FAM227B: variants seen among roughly 807,000 people sequenced by gnomAD.
FAM227B encodes protein FAM227B.
FAM227B carries 88 observed loss-of-function variants against 73.8 expected under a neutral mutation model. That is an observed-to-expected ratio of 1.19 (90% confidence interval 1.00 to 1.42). The LOEUF (loss-of-function observed/expected upper bound fraction) is 1.42, where lower values mean the gene tolerates loss of function less well. Ranked by LOEUF, FAM227B falls within the 40% of genes most tolerant of loss-of-function variation. FAM227B has a pLI of 0.00. For missense variants in FAM227B, 632 were observed against 590.9 expected (o/e 1.07, Z -0.72); for synonymous variants, 210 against 190.5 (o/e 1.10, Z -0.84).
intron 11 of FAM227B, among the ~76,000 whole-genome samples, chr15:49,381,028 C>T (rs769728472): frequency 1.4e-4 from 21 of 152,096 alleles, no homozygotes; most frequent in Non-Finnish European, 2.9e-4. Flanking sequence ...AAGGAGGAGC[C>T]CATGTGTCAT....
chr15:49,493,745 GTCTA>G (rs2057327693), intron 11 of FAM227B, among the ~76,000 whole-genome samples: 1 of 151,812 alleles, frequency 6.6e-6, no homozygotes, highest in South Asian at 2.1e-4. Context: ...ATACCTGTGT[GTCTA>G]TCTATCCATC....
At chr15:49,338,744 C>T (rs565945051) in intron 13 of FAM227B, among the ~76,000 whole-genome samples, 1 of 152,206 alleles carries the variant, frequency 6.6e-6, no homozygotes, top group Admixed American at 6.5e-5. Context: ...TCCATACTCT[C>T]CATCACTTTC....
chr15:49,384,515 G>C (rs8034747), intron 11 of FAM227B, among the ~76,000 whole-genome samples: 7 of 151,624 alleles, frequency 4.6e-5, no homozygotes, highest in Admixed American at 6.6e-5. Flanking sequence ...AAAAACAATA[G>C]GGAAGTGCCA....
intron 10 of FAM227B, among the ~76,000 whole-genome samples, chr15:49,516,618 G>T (rs985218280): frequency 1.3e-5 from 2 of 151,820 alleles, no homozygotes. Flanking sequence ...TTTACTTTTT[G>T]TAAGGCTGGG....
intron 11 of FAM227B, among the ~76,000 whole-genome samples, chr15:49,450,532 T>A (rs1253650665): frequency 1.3e-5 from 2 of 152,150 alleles, no homozygotes; most frequent in Non-Finnish European, 2.9e-5. Flanking sequence ...GTGTAAACTT[T>A]CTCAGAAATA....
chr15:49,534,734 T>C (rs1030377907), intron 10 of FAM227B, among the ~76,000 whole-genome samples: 6 of 151,700 alleles, frequency 4.0e-5, no homozygotes, highest in African/African-American at 1.4e-4. Flanking sequence ...TTCAAGAAGT[T>C]TGAAATCATA....
intron 5 of FAM227B, among the ~76,000 whole-genome samples, chr15:49,584,452 C>A (rs1598384922): frequency 6.6e-6 from 1 of 152,096 alleles, no homozygotes; most frequent in East Asian, 1.9e-4. Context: ...TGAAAACTGG[C>A]ACAAGAAAAG....
At chr15:49,557,259 T>C (rs776662811) in intron 9 of FAM227B, among the ~76,000 whole-genome samples, 2 of 152,180 alleles carry the variant, frequency 1.3e-5, no homozygotes, top group Non-Finnish European at 2.9e-5. Flanking sequence ...TTTTTTCTTA[T>C]AACTTGCTTT....
chr15:49,383,132 A>T (rs1307302670), intron 11 of FAM227B, among the ~76,000 whole-genome samples: 1 of 152,108 alleles, frequency 6.6e-6, no homozygotes, highest in Non-Finnish European at 1.5e-5. Context: ...AATCTGGATT[A>T]AAAAAAGCAG....
chr15:49,367,494 C>T lies in FAM227B; in HGVS notation c.1225G>A (p.Ala409Thr), dbSNP rs2045401241. ...AGTTTAATCTTGGTTTTCTTAGGTG[C>T]TTTGGAAATACCAGCCAGCTCATGC... The part of the protein sequence containing the change: ...KMHELAGISK[A>T]PKKTKIKLTK... The change falls in exon 13 of 16, where the codon GCA becomes ACA. Residue 409 changes from alanine (A) to threonine (T), a missense_variant. Physicochemically the swap from Ala to Thr is moderately conservative, Grantham distance 58. Transcript: ENST00000299338. The T allele has an allele frequency of 1.2e-6, 2 of 1,604,086 alleles. No individual in the cohort carries two copies. The highest frequency in any genetic ancestry group is 1.7e-6 in the Non-Finnish European group (2 of 1,177,712).
chr15:49,500,326 CTCAA>C (rs1567412968), intron 11 of FAM227B, among the ~76,000 whole-genome samples: 1 of 152,258 alleles, frequency 6.6e-6, no homozygotes, highest in East Asian at 1.9e-4. Context: ...TCAGCAGGCA[CTCAA>C]TAACCTGTGA....
rs2076274828 is a variant in FAM227B, at chr15:49,588,004, T to C, written c.405+12A>G. The C allele has an allele frequency of 2.8e-6, 4 of 1,436,074 alleles. No homozygotes were observed. Among genetic ancestry groups the C allele is most frequent in the Admixed American group, 2.6e-5 (1 of 38,814 alleles). 89.0% of individuals were successfully genotyped at this position (1,436,074 alleles called of 1,614,324 possible). On this transcript the variant is annotated intron_variant, in intron 5 of 15. Coordinates refer to ENST00000299338, the MANE Select transcript of FAM227B (RefSeq NM_152647.3). ...CCAACTTTCAAGGATGATAAAAACA[T>C]AGATACCATACCATTATCTTTTTTT...
intron 10 of FAM227B, among the ~76,000 whole-genome samples, chr15:49,527,729 C>G (rs1276896820): frequency 6.6e-6 from 1 of 151,688 alleles, no homozygotes; most frequent in East Asian, 1.9e-4. Context: ...TAAAACCAAA[C>G]CAAAACTCAG....
chr15:49,424,051 G>A (rs1010344543), intron 11 of FAM227B: 1 of 380,698 alleles, frequency 2.6e-6, no homozygotes, highest in South Asian at 7.4e-5. Context: ...AGCAAACAGC[G>A]TCACAGCAAC....
chr15:49,435,302 T>C (rs953382944), intron 11 of FAM227B, among the ~76,000 whole-genome samples: 5 of 151,628 alleles, frequency 3.3e-5, no homozygotes, highest in African/African-American at 1.2e-4. Flanking sequence ...AAAATAATTT[T>C]GAGTCATATG....
At chr15:49,371,473 T>C in intron 11 of FAM227B, 74 bp from the exon 12 acceptor site, 2 of 868,680 alleles carry the variant, frequency 2.3e-6, no homozygotes, top group Non-Finnish European at 3.7e-6. Flanking sequence ...GATACCTCTT[T>C]CGCCTTTTAA....
intron 15 of FAM227B, chr15:49,329,558 A>G (rs1453777644): frequency 5.1e-6 from 5 of 984,988 alleles, no homozygotes; most frequent in Non-Finnish European, 6.0e-6. Flanking sequence ...ACAGTCATAC[A>G]TAGAATACTA....
chr15:49,507,692 G>C (rs73400275), intron 11 of FAM227B, among the ~76,000 whole-genome samples: 4,362 of 151,960 alleles, frequency 0.029, 220 homozygotes, highest in African/African-American at 0.1. Flanking sequence ...TTTCAAGTAG[G>C]CTCTAAGTGG....
At chr15:49,360,655 C>T (rs1389382114) in intron 13 of FAM227B, among the ~76,000 whole-genome samples, 1 of 152,108 alleles carries the variant, frequency 6.6e-6, no homozygotes, top group Non-Finnish European at 1.5e-5. Context: ...ATGCATTCAG[C>T]TCTAAATCCT....
Sources: allele counts gnomAD v4.1 joint callset (sites outside exome capture counted in the v4.1 genomes callset), GRCh38; gene constraint gnomAD v4.1.1; transcripts MANE v1.5; gene names NCBI Gene and HGNC (gene_info 2026-07-23, HGNC 2026-07-21).